CD33: variants seen among roughly 807,000 people sequenced by gnomAD.
CD33 encodes myeloid cell surface antigen CD33.
In CD33, 25 loss-of-function variants were observed where a neutral mutation model predicts 31.4. The observed-to-expected ratio is 0.80, with a 90% CI of 0.58 to 1.11. The LOEUF is 1.11. CD33 is among the 50% of genes most tolerant of loss of function. The pLI, the probability that CD33 is intolerant of heterozygous loss-of-function variation, is 0.00. For missense variants in CD33, 407 were observed against 448.1 expected (o/e 0.91, Z 0.83); for synonymous variants, 176 against 180.6 (o/e 0.97, Z 0.20).
the CD33 span, among the ~76,000 whole-genome samples, chr19:51,219,386 A>G: frequency 6.6e-6 from 1 of 152,304 alleles, no homozygotes; most frequent in South Asian, 2.1e-4. Context: ...CTGAAATTTT[A>G]CTGAATTAAT....
At chr19:51,216,564 T>TTTTCC in the CD33 span, among the ~76,000 whole-genome samples, 1 of 151,240 alleles carries the variant, frequency 6.6e-6, no homozygotes, top group African/African-American at 2.4e-5. Context: ...AAAAATTAGG[T>TTTTCC]GGGCATGGTG....
chr19:51,225,217 G>A lies in CD33; in HGVS notation c.38-1G>A, dbSNP rs763650459. The A allele has an allele frequency of 1.9e-6, 3 of 1,613,258 alleles. No homozygotes were observed. The South Asian group carries it at 3.3e-5, about 18-fold the overall frequency. ...CCGAGCTGACCCTCGTTTCCCCACA[G>A]GGGCCCTGGCTATGGATCCAAATTT... is the stretch of plus-strand genomic sequence containing the variant. On this transcript the variant is annotated splice_acceptor_variant, in intron 1 of 6. Coordinates refer to ENST00000262262, the MANE Select transcript of CD33 (RefSeq NM_001772.4). LOFTEE classifies it high-confidence loss of function.
intron 4 of CD33, among the ~76,000 whole-genome samples, chr19:51,228,727 C>A (rs1278707336): frequency 1.3e-5 from 2 of 152,122 alleles, no homozygotes; most frequent in African/African-American, 4.8e-5. Context: ...ACCATGTTGG[C>A]CAAGCTGGTC....
In CD33 at chr19:51,225,813, C is replaced by T; in HGVS notation, c.429C>T (p.His143=). ...QLSVHVTDLT[H]RPKILIPGTL... ...CTTTCTCCTCACTAGACTTGACCCACAGGCCCAAAATCCTCATCCCTGGCA... is the reference window on the plus strand; with the variant it reads ...CTTTCTCCTCACTAGACTTGACCCATAGGCCCAAAATCCTCATCCCTGGCA... The change falls in exon 3 of 7, where the codon CAC becomes CAT. Residue 143 remains histidine, a synonymous_variant. Transcript: ENST00000262262. 1.2e-6 allele frequency: 2 copies of T among 1,613,696 alleles called. No individual in the cohort carries two copies. The highest frequency in any genetic ancestry group is 8.5e-7 in the Non-Finnish European group (1 of 1,179,756).
intron 4 of CD33, among the ~76,000 whole-genome samples, chr19:51,231,697 C>CTTTTCACTT (rs1981434059): frequency 6.6e-6 from 1 of 150,490 alleles, no homozygotes; most frequent in African/African-American, 2.4e-5. Flanking sequence ...GTGTTTTTGC[C>CTTTTCACTT]TTTTCACTTC....
upstream of CD33, among the ~76,000 whole-genome samples, chr19:51,224,574 T>C (rs1980851809): frequency 6.6e-6 from 1 of 152,174 alleles, no homozygotes; most frequent in South Asian, 2.1e-4. Context: ...TGTCACTCAC[T>C]ATATCTTTAG....
chr19:51,239,450 C>A, intron 6 of CD33, 68 bp from the exon 7 acceptor site: 3 of 1,202,570 alleles, frequency 2.5e-6, no homozygotes, highest in Non-Finnish European at 3.4e-6. Context: ...CTTCATTGAC[C>A]CTCTTTGCCT....
chr19:51,216,026 C>T, the CD33 span, among the ~76,000 whole-genome samples: 9 of 152,298 alleles, frequency 5.9e-5, no homozygotes, highest in East Asian at 1.2e-3. Context: ...AGGCCTTGCA[C>T]GTTCTATCCT....
chr19:51,230,147 G>C (rs759586078), intron 4 of CD33, among the ~76,000 whole-genome samples: 1 of 146,032 alleles, frequency 6.8e-6, no homozygotes, highest in East Asian at 2.0e-4. Flanking sequence ...GAATCATTTT[G>C]TTTCATTTCT....
At position 51,235,651 on chromosome 19, in the gene CD33, A is replaced by G; in HGVS notation, c.899A>G (p.His300Arg). Residue 300 changes from histidine to arginine, a missense_variant, in exon 6 of 7, where the codon CAC becomes CGC. Transcript: ENST00000262262. ...ARTAVGRNDTHPTTGSASPKH... is the reference protein window; with the variant it reads ...ARTAVGRNDTRPTTGSASPKH... Reference sequence around the variant, plus strand: ...ACAGCAGTGGGCAGGAATGACACCCACCCTACCACAGGGTCAGCCTCCCCG... The same window carrying G: ...ACAGCAGTGGGCAGGAATGACACCCGCCCTACCACAGGGTCAGCCTCCCCG... The G allele has an allele frequency of 1.2e-6, 2 of 1,613,330 alleles. No homozygotes were observed. The highest frequency in any genetic ancestry group is 1.7e-6 in the Non-Finnish European group (2 of 1,179,792).
chr19:51,223,902 T>C (rs935807209), upstream of CD33, among the ~76,000 whole-genome samples: 4 of 152,176 alleles, frequency 2.6e-5, no homozygotes, highest in Admixed American at 2.6e-4. Context: ...CCAGACAGCA[T>C]GTGTGTGTGT....
chr19:51,235,092 G>A, intron 4 of CD33, 65 bp from the exon 5 acceptor site: 1 of 1,330,940 alleles, frequency 7.5e-7, no homozygotes, highest in Non-Finnish European at 1.1e-6. Flanking sequence ...CTACATGCTG[G>A]AGAGGAGGAT....
chr19:51,222,298 G>A (rs1980720803), upstream of CD33, among the ~76,000 whole-genome samples: 1 of 152,202 alleles, frequency 6.6e-6, no homozygotes, highest in African/African-American at 2.4e-5. Flanking sequence ...GCTAGGAGGA[G>A]TGGTAAAAAG....
Position 51,226,089 on chromosome 19 carries a change from C to T in CD33, c.697+8C>T, listed in dbSNP as rs1000554517. 3 of 1,612,872 alleles carry T rather than the reference C, an allele frequency of 1.9e-6. No homozygotes were observed. The highest frequency in any genetic ancestry group is 3.3e-5 in the Admixed American group (2 of 59,982). ...TCCAGCTCAACGTCACCTGTAAGTG[C>T]TGGGCCAGGATGCTGGGGTCCCTGA... is the stretch of plus-strand genomic sequence containing the variant. On this transcript the variant is annotated splice_region_variant and intron_variant, in intron 3 of 6. Transcript: ENST00000262262.
rs370680015 is a variant in CD33, at chr19:51,225,611, C to T, written c.418+13C>T. 33 of 1,542,222 alleles carry T rather than the reference C, an allele frequency of 2.1e-5. No individual in the cohort carries two copies. Among genetic ancestry groups the T allele is most frequent in the Non-Finnish European group, 2.8e-5 (32 of 1,145,622 alleles). On this transcript the variant is annotated intron_variant, in intron 2 of 6. Transcript: ENST00000262262. ...GTGCATGTGACAGGTGAGGCACAGG[C>T]TTCAGAAGTGGCCGCAAGGGAAGTT...
At position 51,239,889 on chromosome 19, in the gene CD33, G is replaced by C. The variant is rs1803254; in HGVS notation, c.*201G>C. Reference sequence around the variant, plus strand: ...AAATCTGTGCTCTTTCATTTGCTAAGTGTATGATGTCACACAAGCTCCTTA... The same window carrying C: ...AAATCTGTGCTCTTTCATTTGCTAACTGTATGATGTCACACAAGCTCCTTA... On this transcript the variant is annotated 3_prime_UTR_variant, in exon 7 of 7. Coordinates refer to ENST00000262262, the MANE Select transcript of CD33 (RefSeq NM_001772.4). 54,034 of 433,648 alleles carry C rather than the reference G, an allele frequency of 0.12. 5,573 individuals carry two copies. Among genetic ancestry groups the C allele is most frequent in the Admixed American group, 0.35 (8,153 of 23,444 alleles). 26.9% of individuals were successfully genotyped at this position (433,648 alleles called of 1,614,324 possible).
At chr19:51,214,387 A>T in the CD33 span, among the ~76,000 whole-genome samples, 1 of 151,108 alleles carries the variant, frequency 6.6e-6, no homozygotes, top group Non-Finnish European at 1.5e-5. Context: ...TAGTAGAGAC[A>T]GGGTTTCACC....
Position 51,225,353 on chromosome 19 carries a change from G to T in CD33, c.173G>T (p.Gly58Val). Reference protein sequence around the residue: ...PYYDKNSPVHGYWFREGAIIS... With the variant: ...PYYDKNSPVHVYWFREGAIIS... ...TACGACAAGAACTCCCCAGTTCATG[G>T]TTACTGGTTCCGGGAAGGAGCCATT... The change falls in exon 2 of 7, where the codon GGT becomes GTT. Residue 58 changes from glycine to valine, a missense_variant. Physicochemically the swap from Gly to Val is moderately radical, Grantham distance 109. Coordinates refer to ENST00000262262, the MANE Select transcript of CD33 (RefSeq NM_001772.4). The T allele has an allele frequency of 6.2e-7, 1 of 1,614,174 alleles. No individual in the cohort carries two copies. Among genetic ancestry groups the T allele is most frequent in the Non-Finnish European group, 8.5e-7 (1 of 1,180,032 alleles).
intron 4 of CD33, among the ~76,000 whole-genome samples, chr19:51,227,418 C>A (rs906893907): frequency 6.6e-6 from 1 of 152,146 alleles, no homozygotes; most frequent in Non-Finnish European, 1.5e-5. Context: ...GTCCTCCCAA[C>A]TGGGGTGATG....
Sources: gnomAD v4.1 joint callset for allele counts (sites outside exome capture counted in the v4.1 genomes callset) on GRCh38, gnomAD v4.1.1 for gene constraint, MANE v1.5 for transcripts, NCBI Gene and HGNC (gene_info 2026-07-23, HGNC 2026-07-21) for gene names.